Variants in PCGF3 observed in about 807,000 individuals in gnomAD.
PCGF3 encodes polycomb group ring finger 3.
PCGF3 carries 7 observed loss-of-function variants against 33.1 expected under a neutral mutation model. The observed-to-expected ratio is 0.21, with a 90% confidence interval of 0.12 to 0.40. PCGF3 has a LOEUF of 0.40. PCGF3 is among the 10% of genes least tolerant of loss of function. The probability of loss-of-function intolerance (pLI) is 1.00; values close to 1 mark genes in which losing one functional copy is unlikely to be tolerated. For missense variants in PCGF3, 211 were observed against 313.3 expected, an observed-to-expected ratio of 0.67 and a Z score of 2.46; for synonymous variants, 153 against 121.3, an observed-to-expected ratio of 1.26 and a Z score of -1.72.
chr4:724,688 C>G (rs963409976), intron 1 of PCGF3, among the ~76,000 whole-genome samples: 26 of 152,092 alleles, frequency 1.7e-4, no homozygotes, highest in African/African-American at 5.6e-4. Context: ...TAGCTGGGTA[C>G]TCAGGAGGCT....
intron 8 of PCGF3, among the ~76,000 whole-genome samples, chr4:750,243 G>A (rs1312440540): frequency 6.6e-6 from 1 of 152,236 alleles, no homozygotes; most frequent in East Asian, 1.9e-4. Flanking sequence ...TAATCGAGAA[G>A]TTTGTTCTGA....
At chr4:737,186 G>C (rs1743872848) in intron 5 of PCGF3, among the ~76,000 whole-genome samples, 1 of 152,074 alleles carries the variant, frequency 6.6e-6, no homozygotes, top group Non-Finnish European at 1.5e-5. Context: ...GGGACGTGGG[G>C]AATCTGGGGT....
At chr4:739,514 G>C (rs982135893) in intron 6 of PCGF3, among the ~76,000 whole-genome samples, 2 of 152,196 alleles carry the variant, frequency 1.3e-5, no homozygotes, top group Non-Finnish European at 2.9e-5. Flanking sequence ...TTCCAATCAG[G>C]ATCCAGAGAA....
At chr4:715,017 CTGAG>C (rs1742748392) in intron 1 of PCGF3, among the ~76,000 whole-genome samples, 2 of 100,078 alleles carry the variant, frequency 2.0e-5, no homozygotes, top group Admixed American at 9.6e-5. Context: ...CCTGTAGACA[CTGAG>C]TGTGAGAACT....
At chr4:733,871 C>T (rs763400620) in intron 4 of PCGF3, 82 bp downstream of exon 4, 9 of 1,608,738 alleles carry the variant, frequency 5.6e-6, no homozygotes, top group Non-Finnish European at 7.6e-6. Flanking sequence ...TTTGTGTTAC[C>T]ACACGCTTTT....
intron 1 of PCGF3, among the ~76,000 whole-genome samples, chr4:722,952 C>T (rs1248360728): frequency 5.1e-5 from 7 of 138,438 alleles, no homozygotes; most frequent in East Asian, 2.3e-4. Flanking sequence ...CTCGCGACAT[C>T]GCCCGCCCGC....
chr4:751,197 C>T (rs952430001), intron 8 of PCGF3, among the ~76,000 whole-genome samples: 7 of 152,090 alleles, frequency 4.6e-5, no homozygotes, highest in East Asian at 1.9e-4. Context: ...GGATTATCCG[C>T]GTCTATAACT....
chr4:758,159 CTG>C, intron 8 of PCGF3, among the ~76,000 whole-genome samples: 1 of 101,780 alleles, frequency 9.8e-6, no homozygotes, highest in Non-Finnish European at 1.8e-5. Context: ...GAGGGAGACT[CTG>C]TCTCAAAAAA....
At chr4:751,781 C>T (rs1744524891) in intron 8 of PCGF3, among the ~76,000 whole-genome samples, 1 of 152,236 alleles carries the variant, frequency 6.6e-6, no homozygotes, top group East Asian at 1.9e-4. Flanking sequence ...GGCTCCAGCT[C>T]TAGGTTTGTT....
chr4:716,097 G>A (rs75119390), intron 1 of PCGF3, among the ~76,000 whole-genome samples: 4,112 of 103,942 alleles, frequency 0.04, 8 homozygotes, highest in Non-Finnish European at 0.055. Flanking sequence ...TCGGTGCTGG[G>A]ACCCTGTAGA....
intron 9 of PCGF3, chr4:761,876 CACCAT>C: frequency 1.0e-6 from 1 of 985,412 alleles, no homozygotes; most frequent in South Asian, 4.7e-5. Flanking sequence ...AAGGCAGTGA[CACCAT>C]GGGGATGCAG....
intron 6 of PCGF3, among the ~76,000 whole-genome samples, chr4:737,833 C>T (rs1305837466): frequency 6.6e-6 from 1 of 152,264 alleles, no homozygotes; most frequent in Non-Finnish European, 1.5e-5. Flanking sequence ...CTGGGCCCCA[C>T]CTCCTGTCCC....
chr4:758,165 CAAAAAAAAA>C (rs61081270), intron 8 of PCGF3, among the ~76,000 whole-genome samples: 60 of 54,912 alleles, frequency 1.1e-3, no homozygotes, highest in African/African-American at 3.2e-3. Context: ...GACTCTGTCT[CAAAAAAAAA>C]AAAAAAAAAA....
chr4:737,399 T>G, intron 5 of PCGF3, 67 bp from the exon 6 acceptor site: 1 of 1,037,544 alleles, frequency 9.6e-7, no homozygotes, highest in Non-Finnish European at 1.5e-6. Context: ...TATTGTTAAA[T>G]GGAAAGTGTA....
intron 1 of PCGF3, among the ~76,000 whole-genome samples, chr4:706,172 GC>G (rs1463293265): frequency 2.6e-5 from 4 of 152,314 alleles, no homozygotes; most frequent in African/African-American, 9.6e-5. Flanking sequence ...GAAGACCCCA[GC>G]CCAGGCAGGA....
chr4:717,320 G>A (rs1742898953), intron 1 of PCGF3, among the ~76,000 whole-genome samples: 2 of 151,482 alleles, frequency 1.3e-5, no homozygotes, highest in African/African-American at 2.4e-5. Context: ...GTCGGTGCTG[G>A]GACCCTGTAG....
At chr4:734,842 C>T (rs1743762191) in intron 4 of PCGF3, 89 bp from the exon 5 acceptor site, 2 of 1,517,554 alleles carry the variant, frequency 1.3e-6, no homozygotes, top group Non-Finnish European at 1.8e-6. Context: ...GAAACGAGCT[C>T]AGAGACGCCC....
chr4:733,826 C>T (rs555594145), intron 4 of PCGF3, 37 bp downstream of exon 4: 2 of 1,613,600 alleles, frequency 1.2e-6, no homozygotes, highest in African/African-American at 2.7e-5. Flanking sequence ...GGAGGGCGCG[C>T]CCTTCCCAGC....
exon 4 of PCGF3, chr4:733,766 C>T: frequency 6.2e-7 from 1 of 1,613,626 alleles, no homozygotes; most frequent in Non-Finnish European, 8.5e-7. Flanking sequence ...GACGCCACCA[C>T]GGTGACCGAG....
Sources: gnomAD v4.1 joint callset for allele counts (sites outside exome capture counted in the v4.1 genomes callset) on GRCh38, gnomAD v4.1.1 for gene constraint, MANE v1.5 for transcripts, NCBI Gene and HGNC (gene_info 2026-07-23, HGNC 2026-07-21) for gene names.